The following PKIG variants were observed in gnomAD, a reference collection of about 807,000 sequenced individuals.
PKIG encodes protein kinase (cAMP-dependent, catalytic) inhibitor gamma.
In PKIG, 1 loss-of-function variant was observed where a neutral mutation model predicts 6.8. The observed-to-expected ratio is 0.15, with a 90% confidence interval of 0.05 to 0.69. The LOEUF (loss-of-function observed/expected upper bound fraction) is 0.69, where lower values mean the gene tolerates loss of function less well. Ranked by LOEUF, PKIG falls within the 30% of genes least tolerant of loss-of-function variation. The pLI is 0.82. For missense variants in PKIG, 77 were observed against 104.0 expected, an observed-to-expected ratio of 0.74 and a Z score of 1.13; for synonymous variants, 39 against 43.0, an observed-to-expected ratio of 0.91 and a Z score of 0.36.
chr20:44,591,055 G>T (rs2065029180), intron 2 of PKIG, among the ~76,000 whole-genome samples: 1 of 152,204 alleles, frequency 6.6e-6, no homozygotes, highest in South Asian at 2.1e-4. Flanking sequence ...TTGCCCTCAG[G>T]AAGCTTGTGG....
At chr20:44,557,502 G>A (rs1446333039) in intron 1 of PKIG, among the ~76,000 whole-genome samples, 1 of 141,920 alleles carries the variant, frequency 7.0e-6, no homozygotes, top group Non-Finnish European at 1.5e-5. Context: ...CTCCAGCTGG[G>A]TGACAGGTGA....
intron 1 of PKIG, among the ~76,000 whole-genome samples, chr20:44,583,183 T>G (rs946499021): frequency 4.6e-5 from 7 of 152,194 alleles, no homozygotes; most frequent in African/African-American, 7.2e-5. Context: ...GGAACATGGT[T>G]GTTGTGTTAA....
chr20:44,551,815 A>C (rs1223320496), intron 1 of PKIG, among the ~76,000 whole-genome samples: 1 of 152,242 alleles, frequency 6.6e-6, no homozygotes, highest in Non-Finnish European at 1.5e-5. Context: ...GGTAGAACTT[A>C]TCTGTAATTC....
chr20:44,582,358 TGA>T (rs1433130655), upstream of PKIG, among the ~76,000 whole-genome samples: 1 of 151,998 alleles, frequency 6.6e-6, no homozygotes, highest in African/African-American at 2.4e-5. Context: ...GGTTGAAAAT[TGA>T]AGGAAGGATA....
At chr20:44,588,863 T>C (rs2065011610) in intron 1 of PKIG, among the ~76,000 whole-genome samples, 1 of 152,256 alleles carries the variant, frequency 6.6e-6, no homozygotes, top group African/African-American at 2.4e-5. Context: ...ACACTTGATA[T>C]GTTAGCTAGA....
chr20:44,596,988 T>C (rs1202284445), intron 2 of PKIG, among the ~76,000 whole-genome samples: 1 of 152,172 alleles, frequency 6.6e-6, no homozygotes, highest in Non-Finnish European at 1.5e-5. Context: ...TATTAGTCTT[T>C]CTGGGCAGCA....
intron 1 of PKIG, among the ~76,000 whole-genome samples, chr20:44,573,908 A>G (rs1477453347): frequency 6.6e-6 from 1 of 152,232 alleles, no homozygotes; most frequent in Non-Finnish European, 1.5e-5. Flanking sequence ...AGGCCCTGCT[A>G]GTAACTGATA....
intron 2 of PKIG, among the ~76,000 whole-genome samples, chr20:44,607,377 A>AT (rs59226646): frequency 0.016 from 1,498 of 94,186 alleles, 32 homozygotes; most frequent in East Asian, 0.049. Context: ...ATATATATAT[A>AT]TTTTTTTTTT....
intron 1 of PKIG, among the ~76,000 whole-genome samples, chr20:44,565,325 A>G: frequency 6.6e-6 from 1 of 152,254 alleles, no homozygotes; most frequent in East Asian, 1.9e-4. Context: ...GCTGTGAACT[A>G]TAATAGAAGT....
rs118175759 is a variant in PKIG at position 44,567,436 on chromosome 20, G to A, written c.-240-15149G>A. On this transcript the variant is annotated intron_variant, in intron 1 of 4. Coordinates refer to the PKIG transcript ENST00000372887. ...AATCCTGCTTCATTTTCATCTCGCTGTTCTAAAACTCCTAATTTTTCTTCT... is the reference window on the plus strand; with the variant it reads ...AATCCTGCTTCATTTTCATCTCGCTATTCTAAAACTCCTAATTTTTCTTCT... 1.2e-4 allele frequency among the ~76,000 whole-genome samples: 19 copies of A among 152,308 alleles called. No individual in the cohort carries two copies. The East Asian group carries it at 3.5e-3, about 28-fold the overall frequency.
chr20:44,569,456 A>G (rs2123282966), intron 1 of PKIG, among the ~76,000 whole-genome samples: 1 of 152,368 alleles, frequency 6.6e-6, no homozygotes, highest in East Asian at 1.9e-4. Flanking sequence ...GAAAGTAAAA[A>G]AAATCCCCAC....
intron 1 of PKIG, among the ~76,000 whole-genome samples, chr20:44,584,465 G>A (rs1432670585): frequency 1.4e-5 from 2 of 141,782 alleles, no homozygotes; most frequent in African/African-American, 5.4e-5. Context: ...TGCCACAAGG[G>A]AAGGATAGCC....
chr20:44,572,190 G>A (rs2064859637), intron 1 of PKIG, among the ~76,000 whole-genome samples: 2 of 152,070 alleles, frequency 1.3e-5, no homozygotes, highest in African/African-American at 4.8e-5. Context: ...GTTTTTAGTA[G>A]ACACAGGGTT....
chr20:44,611,184 A>G (rs868814467), intron 2 of PKIG, among the ~76,000 whole-genome samples: 41 of 150,812 alleles, frequency 2.7e-4, no homozygotes, highest in Middle Eastern at 3.4e-3. Flanking sequence ...CCTCCAGAGT[A>G]ACTGAGACTA....
intron 1 of PKIG, among the ~76,000 whole-genome samples, chr20:44,541,333 GC>G (rs1215015582): frequency 1.3e-5 from 2 of 152,104 alleles, no homozygotes; most frequent in Admixed American, 6.6e-5. Context: ...TGTCACCCAG[GC>G]TGGAGTTACT....
At chr20:44,589,529 T>C (rs2065017784) in intron 1 of PKIG, among the ~76,000 whole-genome samples, 1 of 152,224 alleles carries the variant, frequency 6.6e-6, no homozygotes, top group Admixed American at 6.5e-5. Context: ...ATTTTTCTAT[T>C]AATAGACATT....
At chr20:44,577,106 A>G (rs2123318392) in intron 1 of PKIG, among the ~76,000 whole-genome samples, 1 of 151,604 alleles carries the variant, frequency 6.6e-6, no homozygotes, top group East Asian at 1.9e-4. Flanking sequence ...CATTGTGTGT[A>G]TGTGTGTGTG....
At chr20:44,581,641 T>C (rs1473432814), upstream of PKIG, among the ~76,000 whole-genome samples, 1 of 152,220 alleles carries the variant, frequency 6.6e-6, no homozygotes, top group Non-Finnish European at 1.5e-5. Flanking sequence ...TTGTTTGTCT[T>C]ATCTTGTAGT....
chr20:44,575,062 G>A (rs996608021), intron 1 of PKIG, among the ~76,000 whole-genome samples: 2 of 151,448 alleles, frequency 1.3e-5, no homozygotes, highest in African/African-American at 4.9e-5. Flanking sequence ...TCAGTTTTTT[G>A]TTTGTTTTTG....
Sources: gnomAD v4.1 joint callset for allele counts (sites outside exome capture counted in the v4.1 genomes callset) on GRCh38, gnomAD v4.1.1 for gene constraint, MANE v1.5 for transcripts, NCBI Gene and HGNC (gene_info 2026-07-23, HGNC 2026-07-21) for gene names.